KIAA0232: variants seen among roughly 807,000 people sequenced by gnomAD.
The protein encoded by KIAA0232 is KIAA0232.
In KIAA0232, 27 loss-of-function variants were observed where a neutral mutation model predicts 122.0. The ratio of observed to expected loss-of-function variants is 0.22; its 90% CI spans 0.16 to 0.31. KIAA0232 has a LOEUF of 0.31. KIAA0232 is among the 10% of genes least tolerant of loss of function. KIAA0232 has a pLI of 1.00. For missense variants in KIAA0232, 1,551 were observed against 1,634.2 expected (o/e 0.95, Z 0.88); for synonymous variants, 613 against 587.6 (o/e 1.04, Z -0.63).
chr4:6,869,560 CT>C (rs1373337508), intron 7 of KIAA0232, among the ~76,000 whole-genome samples: 1 of 152,204 alleles, frequency 6.6e-6, no homozygotes, highest in Non-Finnish European at 1.5e-5. Context: ...GTCCATTCCC[CT>C]GGCCCTAGCA....
intron 3 of KIAA0232, among the ~76,000 whole-genome samples, chr4:6,827,254 T>A (rs1718740297): frequency 6.6e-6 from 1 of 152,196 alleles, no homozygotes; most frequent in Non-Finnish European, 1.5e-5. Flanking sequence ...AGTCCCTTGT[T>A]AAAGGTGGCA....
At chr4:6,810,589 G>A (rs973260142) in intron 2 of KIAA0232, among the ~76,000 whole-genome samples, 6 of 152,198 alleles carry the variant, frequency 3.9e-5, no homozygotes. Flanking sequence ...GGGCCTTATC[G>A]AAACCAAAAA....
In KIAA0232 at chr4:6,883,906, C is replaced by T. The variant is rs1722189403; in HGVS notation, c.*2940C>T. The T allele has an allele frequency of 6.6e-6, 1 of 152,154 alleles. No individual in the cohort carries two copies. Among genetic ancestry groups the T allele is most frequent in the Admixed American group, 6.5e-5 (1 of 15,284 alleles). 9.4% of individuals were successfully genotyped at this position (152,154 alleles called of 1,614,324 possible). ...AGAGAAATTTACATTCAAGAGTGTA[C>T]TATACTTGTTCTTCTATAACATCAG... On this transcript the variant is annotated 3_prime_UTR_variant, in exon 10 of 10. Transcript: ENST00000307659.
In KIAA0232 at chr4:6,861,307, T is replaced by C; in HGVS notation, c.925T>C (p.Ser309Pro). 3.1e-6 allele frequency: 5 copies of C among 1,614,046 alleles called. No homozygotes were observed. The highest frequency in any genetic ancestry group is 4.2e-6 in the Non-Finnish European group (5 of 1,180,018). The part of the protein sequence containing the change: ...SSGNQGELKA[S>P]MKYVKVRHKA... ...TGGGAATCAGGGAGAATTAAAAGCA[T>C]CCATGAAGTATGTTAAAGTAAGACA... The change falls in exon 7 of 10, where the codon TCC becomes CCC. Residue 309 changes from serine to proline, a missense_variant. Ser to Pro is a moderately conservative substitution (Grantham distance 74). Coordinates refer to ENST00000307659, the MANE Select transcript of KIAA0232 (RefSeq NM_014743.3).
At chr4:6,860,581 ATTCT>A (rs1334750190) in intron 6 of KIAA0232, among the ~76,000 whole-genome samples, 211 of 152,270 alleles carry the variant, frequency 1.4e-3, no homozygotes, top group African/African-American at 4.8e-3. Flanking sequence ...AAGAGACTGC[ATTCT>A]TTCTTCTACT....
chr4:6,874,007 C>A (rs2108839424), intron 8 of KIAA0232, among the ~76,000 whole-genome samples: 1 of 152,252 alleles, frequency 6.6e-6, no homozygotes, highest in Non-Finnish European at 1.5e-5. Flanking sequence ...CAGGGGCTGA[C>A]CTGGGAGCTC....
intron 7 of KIAA0232, chr4:6,866,330 A>C (rs1467531149): frequency 3.4e-6 from 2 of 586,070 alleles, no homozygotes; most frequent in East Asian, 1.4e-4. Flanking sequence ...CTGCCAAAAA[A>C]ATTCCCAGAG....
chr4:6,848,740 A>G (rs926215529), intron 4 of KIAA0232, among the ~76,000 whole-genome samples: 12 of 152,244 alleles, frequency 7.9e-5, no homozygotes, highest in African/African-American at 7.2e-5. Context: ...GAGCATCAAT[A>G]CAATGATAAC....
rs190039224 is a variant in KIAA0232, at chr4:6,847,036, A to G, written c.369+4832A>G. Among the ~76,000 whole-genome samples the G allele has an allele frequency of 5.8e-4, 89 of 152,322 alleles. No homozygotes were observed. The East Asian group carries it at 0.013, about 23-fold the overall frequency. On this transcript the variant is annotated intron_variant, in intron 4 of 9. Coordinates refer to ENST00000307659, the MANE Select transcript of KIAA0232 (RefSeq NM_014743.3). The stretch of plus-strand genomic sequence containing the variant: ...ACAGTTCAAGTTTATAATCTAGTAG[A>G]TTAAAATGCTAATGGCAATTAAAAG...
chr4:6,859,517 A>G (rs1720748322), intron 6 of KIAA0232, among the ~76,000 whole-genome samples: 1 of 152,220 alleles, frequency 6.6e-6, no homozygotes, highest in Admixed American at 6.5e-5. Flanking sequence ...AAAGTATTAA[A>G]CATTTTAAAG....
rs1475656001 is a variant in KIAA0232 at position 6,861,056 on chromosome 4, G to A, written c.674G>A (p.Cys225Tyr). The A allele has an allele frequency of 6.2e-7, 1 of 1,614,048 alleles. No individual in the cohort carries two copies. The highest frequency in any genetic ancestry group is 1.7e-5 in the Admixed American group (1 of 59,982). Residue 225 changes from cysteine (C) to tyrosine (Y), a missense_variant, in exon 7 of 10, where the codon TGC (cysteine) becomes TAC (tyrosine). Physicochemically the swap from Cys to Tyr is radical, Grantham distance 194. Coordinates refer to ENST00000307659, the MANE Select transcript of KIAA0232 (RefSeq NM_014743.3). ...ASTDTSSPKD[C>Y]NSESEVTKER... ...ACAGATACTTCCTCTCCTAAGGACT[G>A]CAACAGTGAAAGTGAAGTCACCAAG...
intron 3 of KIAA0232, among the ~76,000 whole-genome samples, chr4:6,832,815 G>A (rs1386502895): frequency 6.6e-6 from 1 of 152,202 alleles, no homozygotes; most frequent in African/African-American, 2.4e-5. Context: ...AGGAGTGGGT[G>A]TAGACCCCAT....
intron 2 of KIAA0232, among the ~76,000 whole-genome samples, chr4:6,807,962 G>A (rs1717714201): frequency 6.6e-6 from 1 of 152,176 alleles, no homozygotes; most frequent in Non-Finnish European, 1.5e-5. Flanking sequence ...CAGCTACTCG[G>A]GTGGCTGAGG....
intron 1 of KIAA0232, among the ~76,000 whole-genome samples, chr4:6,796,194 C>A (rs1369780847): frequency 6.6e-6 from 1 of 151,556 alleles, no homozygotes; most frequent in Non-Finnish European, 1.5e-5. Context: ...TGAACGAGTC[C>A]TGGAGATGGT....
intron 1 of KIAA0232, among the ~76,000 whole-genome samples, chr4:6,800,409 T>C (rs752647193): frequency 6.0e-5 from 9 of 151,204 alleles, no homozygotes; most frequent in Non-Finnish European, 8.8e-5. Flanking sequence ...GGGCCAGATG[T>C]GGTGGTTCAT....
rs527548585 is a variant in KIAA0232 at position 6,799,820 on chromosome 4, A to T, written c.-353-4703A>T. 2.0e-5 allele frequency among the ~76,000 whole-genome samples: 3 copies of T among 150,664 alleles called. No individual in the cohort carries two copies. In the South Asian group the frequency reaches 6.4e-4, roughly 32 times the overall value. On this transcript the variant is annotated intron_variant, in intron 1 of 9. Coordinates refer to ENST00000307659, the MANE Select transcript of KIAA0232 (RefSeq NM_014743.3). ...AGCGATTCTCCTGCCTCAGCCTCCC[A>T]GGTAGCTGGGACTACAGGTGCCCGC...
intron 3 of KIAA0232, among the ~76,000 whole-genome samples, chr4:6,837,649 C>A (rs1349732634): frequency 6.6e-6 from 1 of 152,352 alleles, no homozygotes; most frequent in African/African-American, 2.4e-5. Context: ...AGCGAGACTC[C>A]GTCTGCAATC....
At chr4:6,829,604 G>A (rs1169900966) in intron 3 of KIAA0232, among the ~76,000 whole-genome samples, 1 of 152,192 alleles carries the variant, frequency 6.6e-6, no homozygotes, top group Non-Finnish European at 1.5e-5. Context: ...GCCAAACCTC[G>A]AAAGTAAGTA....
intron 8 of KIAA0232, among the ~76,000 whole-genome samples, chr4:6,875,478 G>A (rs1367483328): frequency 6.6e-6 from 1 of 152,234 alleles, no homozygotes; most frequent in African/African-American, 2.4e-5. Flanking sequence ...GAGAACAGCT[G>A]TGGAGAGTCT....
Sources: allele counts gnomAD v4.1 joint callset (sites outside exome capture counted in the v4.1 genomes callset), GRCh38; gene constraint gnomAD v4.1.1; transcripts MANE v1.5; gene names NCBI Gene and HGNC (gene_info 2026-07-23, HGNC 2026-07-21).